Variants in ANXA7 observed in about 807,000 individuals in gnomAD.
ANXA7 encodes annexin VII.
A neutral mutation model predicts 64.9 loss-of-function variants in ANXA7; 55 were observed. The ratio of observed to expected loss-of-function variants is 0.85; its 90% CI spans 0.68 to 1.06. The LOEUF (loss-of-function observed/expected upper bound fraction) is 1.06. Ranked by LOEUF, ANXA7 falls within the 50% of genes least tolerant of loss-of-function variation. The pLI is 0.00. For synonymous variants in ANXA7, 200 were observed against 192.4 expected (o/e 1.04, Z -0.33); for missense variants, 548 against 582.1 (o/e 0.94, Z 0.60).
intron 1 of ANXA7, among the ~76,000 whole-genome samples, chr10:73,404,033 A>G (rs78504939): frequency 0.047 from 7,089 of 152,292 alleles, 504 homozygotes; most frequent in African/African-American, 0.15. Context: ...GATAGATAAT[A>G]CAAGAATATT....
At chr10:73,406,212 T>C (rs1317741350) in intron 1 of ANXA7, among the ~76,000 whole-genome samples, 8 of 152,172 alleles carry the variant, frequency 5.3e-5, no homozygotes, top group Non-Finnish European at 8.8e-5. Flanking sequence ...CGCCTCGGCC[T>C]CCCAAGGTGC....
chr10:73,409,088 T>C (rs1259065083), intron 1 of ANXA7, among the ~76,000 whole-genome samples: 25 of 152,188 alleles, frequency 1.6e-4, no homozygotes, highest in Admixed American at 1.4e-3. Context: ...GTTGAAAGCA[T>C]TCCCCCTGAG....
At chr10:73,405,482 TGAGCCAA>T (rs2055742209) in intron 1 of ANXA7, among the ~76,000 whole-genome samples, 1 of 152,132 alleles carries the variant, frequency 6.6e-6, no homozygotes, top group Non-Finnish European at 1.5e-5. Context: ...GAGGTTGCAG[TGAGCCAA>T]GATCACACCA....
intron 1 of ANXA7, among the ~76,000 whole-genome samples, chr10:73,406,139 A>G (rs1447401703): frequency 1.3e-5 from 2 of 152,104 alleles, no homozygotes; most frequent in South Asian, 2.1e-4. Flanking sequence ...GTATTTTAGT[A>G]GAGACAGGGT....
rs1047085346 is a variant in ANXA7 at position 73,380,081 on chromosome 10, C to G, written c.1039G>C (p.Ala347Pro). 6.2e-7 allele frequency: 1 copy of G among 1,614,030 alleles called. No individual in the cohort carries two copies. The change falls in exon 10 of 13, where the codon GCC becomes CCC. Residue 347 changes from alanine to proline, a missense_variant. Physicochemically the swap from Ala to Pro is conservative, Grantham distance 27. Coordinates refer to ENST00000372921, the MANE Select transcript of ANXA7 (RefSeq NM_001156.5). ...TDESCFNMILATRSFPQLRAT... is the reference protein window; with the variant it reads ...TDESCFNMILPTRSFPQLRAT... The stretch of plus-strand genomic sequence containing the variant: ...CTCAGCTGAGGAAAGCTTCTTGTGG[C>G]AAGGATCATGTTAAAGCAAGATTCA...
chr10:73,398,481 C>A (rs904537405), intron 2 of ANXA7, 96 bp from the exon 3 acceptor site: 247 of 1,105,772 alleles, frequency 2.2e-4, no homozygotes, highest in Non-Finnish European at 2.8e-4. Context: ...TTAAGGTCTA[C>A]CTCATTCTTT....
At position 73,398,329 on chromosome 10, in the gene ANXA7, G is replaced by C. The variant is rs2055609303; in HGVS notation, c.111C>G (p.Gly37=). 6.2e-7 allele frequency: 1 copy of C among 1,613,968 alleles called. No homozygotes were observed. The highest frequency in any genetic ancestry group is 1.3e-5 in the African/African-American group (1 of 74,906). ...PPSGQYPYPS[G]FPPMGGGAYP... is the part of the protein sequence containing the mutation. ...AGGCACCTCCTCCCATTGGAGGAAA[G>C]CCACTAGGATAAGGATACTGACCAG... Residue 37 remains glycine, a synonymous_variant, in exon 3 of 13, where the codon GGC becomes GGG. Transcript: ENST00000372921.
chr10:73,375,282 G>A lies in ANXA7; in HGVS notation c.*813C>T, dbSNP rs554732310. 5.3e-5 allele frequency: 8 copies of A among 152,214 alleles called. No individual in the cohort carries two copies. The South Asian group carries it at 1.2e-3, about 24-fold the overall frequency. 9.4% of individuals were successfully genotyped at this position (152,214 alleles called of 1,614,324 possible). On this transcript the variant is annotated 3_prime_UTR_variant, in exon 13 of 13. Coordinates refer to ENST00000372921, the MANE Select transcript of ANXA7 (RefSeq NM_001156.5). ...CAGTATCTATAGTTAATAATGTACT[G>A]AACACTTAAAATTTGCTAAGGTAGT...
intron 12 of ANXA7, among the ~76,000 whole-genome samples, chr10:73,378,246 C>T (rs1156265970): frequency 4.0e-5 from 6 of 151,592 alleles, no homozygotes; most frequent in Non-Finnish European, 7.4e-5. Context: ...GGCATGGTGG[C>T]GCACACCTGT....
intron 3 of ANXA7, 147 bp downstream of exon 3, chr10:73,398,034 A>G: frequency 1.4e-6 from 1 of 717,962 alleles, no homozygotes; most frequent in South Asian, 2.6e-5. Context: ...TCATCCCTCC[A>G]TCTTGCCAGC....
At position 73,380,015 on chromosome 10, in the gene ANXA7, A is replaced by G; in HGVS notation, c.1089+16T>C. 6.2e-7 allele frequency: 1 copy of G among 1,611,512 alleles called. No homozygotes were observed. Among genetic ancestry groups the G allele is most frequent in the East Asian group, 2.2e-5 (1 of 44,878 alleles). ...TCTTACAGCAGAAGCCAAATCTTCA[A>G]AAGAAAAGCTCATACCCTAGAATAA... On this transcript the variant is annotated intron_variant, in intron 10 of 12. Coordinates refer to ENST00000372921, the MANE Select transcript of ANXA7 (RefSeq NM_001156.5).
chr10:73,407,766 T>C (rs1040789801), intron 1 of ANXA7, among the ~76,000 whole-genome samples: 2 of 152,196 alleles, frequency 1.3e-5, no homozygotes, highest in Non-Finnish European at 2.9e-5. Context: ...TGAGATAATA[T>C]AGTGTCCCTT....
chr10:73,401,593 G>A (rs935365777), intron 1 of ANXA7, among the ~76,000 whole-genome samples: 4 of 151,704 alleles, frequency 2.6e-5, no homozygotes, highest in African/African-American at 4.8e-5. Context: ...TCCGCCTCCC[G>A]GGTCCAAGTG....
At chr10:73,404,259 T>C (rs766848994) in intron 1 of ANXA7, among the ~76,000 whole-genome samples, 3 of 152,228 alleles carry the variant, frequency 2.0e-5, no homozygotes, top group Non-Finnish European at 2.9e-5. Context: ...CAAAAGTTGA[T>C]AGTCTTCTGA....
In ANXA7 at chr10:73,387,780, G is replaced by C. The variant is rs766411192; in HGVS notation, c.542C>G (p.Thr181Arg). The C allele has an allele frequency of 5.0e-6, 8 of 1,608,998 alleles. No individual in the cohort carries two copies. The South Asian group carries it at 8.8e-5, about 18-fold the overall frequency. ...ILRKAMKGFG[T>R]DEQAIVDVVA... is the part of the protein sequence containing the mutation. ...CACATCCACAATTGCCTGCTCATCT[G>C]TCCCTGGAAGAACCACACATGTTTA... Residue 181 changes from threonine to arginine, a missense_variant, in exon 7 of 13, where the codon ACA becomes AGA. Thr to Arg is a moderately conservative substitution (Grantham distance 71, BLOSUM62 -1). Transcript: ENST00000372921.
chr10:73,411,712 G>T (rs528930101), intron 1 of ANXA7, among the ~76,000 whole-genome samples: 1 of 152,126 alleles, frequency 6.6e-6, no homozygotes, highest in Admixed American at 6.5e-5. Context: ...GATTACAGGC[G>T]TGAGCCACTG....
At chr10:73,378,067 C>T (rs1367373792) in intron 12 of ANXA7, among the ~76,000 whole-genome samples, 2 of 151,846 alleles carry the variant, frequency 1.3e-5, no homozygotes, top group South Asian at 2.1e-4. Context: ...GACACCCCGC[C>T]ATGTTTTCTT....
intron 5 of ANXA7, among the ~76,000 whole-genome samples, chr10:73,390,371 T>C (rs1382026229): frequency 6.6e-6 from 1 of 152,156 alleles, no homozygotes; most frequent in East Asian, 1.9e-4. Flanking sequence ...ATATTTTTAC[T>C]CCAACATTTT....
intron 1 of ANXA7, among the ~76,000 whole-genome samples, chr10:73,412,334 C>G (rs2055857493): frequency 6.6e-6 from 1 of 151,990 alleles, no homozygotes; most frequent in Non-Finnish European, 1.5e-5. Context: ...TGCGCCCGGC[C>G]GAGACTTACT....
Sources: gnomAD v4.1 joint callset for allele counts (sites outside exome capture counted in the v4.1 genomes callset) on GRCh38, gnomAD v4.1.1 for gene constraint, MANE v1.5 for transcripts, NCBI Gene and HGNC (gene_info 2026-07-23, HGNC 2026-07-21) for gene names.